The following METTL21A variants were observed in gnomAD, a reference collection of about 807,000 sequenced individuals.
METTL21A encodes methyltransferase 21A, HSPA lysine.
Under a neutral mutation model 20.9 loss-of-function variants are expected in METTL21A, and 22 were observed. The ratio of observed to expected loss-of-function variants is 1.05; its 90% CI spans 0.75 to 1.50. The LOEUF is 1.50. Ranked by LOEUF, METTL21A falls within the 40% of genes most tolerant of loss-of-function variation. The pLI is 0.00. For missense variants in METTL21A, 271 were observed against 266.8 expected (o/e 1.02, Z -0.11); for synonymous variants, 93 against 102.0 (o/e 0.91, Z 0.53).
chr2:207,597,283 T>C, intron 3 of METTL21A: 1 of 443,228 alleles, frequency 2.3e-6, no homozygotes, highest in South Asian at 4.4e-5. Context: ...ACGCCAGGAA[T>C]CATGAAGAGA....
In METTL21A at chr2:207,624,646, T is replaced by G. The variant is rs143745913; in HGVS notation, c.-29-242A>C. 7.5e-4 allele frequency: 235 copies of G among 312,810 alleles called. 1 individual carries two copies. Among genetic ancestry groups the G allele is most frequent in the Middle Eastern group, 6.7e-3 (7 of 1,048 alleles). The allele number at this position is 312,810 out of a possible 1,614,324, so 19.4% of individuals were successfully genotyped here. A position where few individuals can be genotyped will look rare whatever the true frequency, so the allele number is the denominator to read the frequency against. On this transcript the variant is annotated intron_variant, in intron 1 of 3. Transcript: ENST00000406927. Reference sequence around the variant, plus strand: ...AAAAAAAGCCCAGAACATTCCAACTTCCGCAGAATACCCTATACACTGCAC... The same window carrying G: ...AAAAAAAGCCCAGAACATTCCAACTGCCGCAGAATACCCTATACACTGCAC...
At chr2:207,620,008 G>A (rs1350667009) in intron 3 of METTL21A, among the ~76,000 whole-genome samples, 1 of 152,254 alleles carries the variant, frequency 6.6e-6, no homozygotes, top group Non-Finnish European at 1.5e-5. Flanking sequence ...CTAAGCCTAT[G>A]CACTTTGCTA....
At chr2:207,608,446 AT>A (rs2088462267), downstream of METTL21A, among the ~76,000 whole-genome samples, 1 of 151,800 alleles carries the variant, frequency 6.6e-6, no homozygotes, top group Non-Finnish European at 1.5e-5. Flanking sequence ...TGTGCTTCTA[AT>A]TTGTAGGGCA....
Position 207,582,720 on chromosome 2 carries a change from C to G in METTL21A, c.260-560G>C, listed in dbSNP as rs562650068. Among the ~76,000 whole-genome samples, 6 of 152,048 alleles carry G rather than the reference C, an allele frequency of 3.9e-5. No homozygotes were observed. The South Asian group carries it at 1.2e-3, about 32-fold the overall frequency. Reference sequence around the variant, plus strand: ...AAAATGGTGGCCAATATGGTGAAACCCTCTCTCTACTAAAAAGAGAAAATT... The same window carrying G: ...AAAATGGTGGCCAATATGGTGAAACGCTCTCTCTACTAAAAAGAGAAAATT... On this transcript the variant is annotated intron_variant, in intron 3 of 3. Transcript: ENST00000425132.
At chr2:207,608,715 AAGAG>A (rs1381671778), downstream of METTL21A, among the ~76,000 whole-genome samples, 1 of 152,190 alleles carries the variant, frequency 6.6e-6, no homozygotes, top group Non-Finnish European at 1.5e-5. Flanking sequence ...GTGGATCATG[AAGAG>A]ATCGAGACCA....
At chr2:207,598,226 T>C (rs1380145733) in intron 3 of METTL21A, 1 of 183,318 alleles carries the variant, frequency 5.5e-6, no homozygotes, top group Non-Finnish European at 1.2e-5. Flanking sequence ...AGGAAAGTTA[T>C]TTTCAGACAT....
At chr2:207,604,844 C>CT (rs2087817214), downstream of METTL21A, among the ~76,000 whole-genome samples, 1 of 152,200 alleles carries the variant, frequency 6.6e-6, no homozygotes, top group Non-Finnish European at 1.5e-5. Context: ...TGTATTACTT[C>CT]TTTCGTCTAG....
intron 3 of METTL21A, among the ~76,000 whole-genome samples, chr2:207,619,167 G>C (rs1014961490): frequency 9.1e-6 from 1 of 109,646 alleles, no homozygotes; most frequent in Non-Finnish European, 1.8e-5. Flanking sequence ...TATCTACATA[G>C]CACCGCTTTT....
chr2:207,600,313 G>A (rs1437607269), intron 3 of METTL21A: 1 of 178,094 alleles, frequency 5.6e-6, no homozygotes, highest in Admixed American at 6.4e-5. Context: ...CAGGAATGCT[G>A]AGTATTATAG....
At chr2:207,598,862 CT>C (rs1242185390) in intron 3 of METTL21A, 1 of 175,036 alleles carries the variant, frequency 5.7e-6, no homozygotes, top group Non-Finnish European at 1.2e-5. Context: ...AAAAAAATGT[CT>C]CATTTGGGAA....
At chr2:207,620,702 T>G (rs1484697898) in intron 3 of METTL21A, 6 of 1,533,142 alleles carry the variant, frequency 3.9e-6, no homozygotes, top group Non-Finnish European at 5.2e-6. Context: ...GTGCTGTGGT[T>G]GAAGACGGAC....
Position 207,625,049 on chromosome 2 carries a change from GC to G in METTL21A, c.-30+215del. ...GCCTCCCCGAACTCCCCCTATAGCT[GC>G]CCCCCACTCACCCCTCTCCCGGGAC... On this transcript the variant is annotated intron_variant, in intron 1 of 3. Coordinates refer to ENST00000406927, the Ensembl canonical transcript of METTL21A. The G allele has an allele frequency of 6.6e-6, 1 of 152,560 alleles. No homozygotes were observed. The highest frequency in any genetic ancestry group is 1.5e-5 in the Non-Finnish European group (1 of 68,280). The allele number at this position is 152,560 out of a possible 1,614,324, so 9.5% of individuals were successfully genotyped here.
downstream of METTL21A, chr2:207,580,745 A>T (rs1046663949): frequency 3.1e-5 from 7 of 224,656 alleles, no homozygotes; most frequent in African/African-American, 1.3e-4. Context: ...ACAACCACGA[A>T]TCTCAGTGTC....
chr2:207,588,039 G>C (rs1443963604), intron 3 of METTL21A, among the ~76,000 whole-genome samples: 1 of 152,068 alleles, frequency 6.6e-6, no homozygotes, highest in East Asian at 1.9e-4. Flanking sequence ...ACACATATTA[G>C]AATATTACTG....
intron 3 of METTL21A, among the ~76,000 whole-genome samples, chr2:207,595,942 C>G (rs1575033697): frequency 6.6e-6 from 1 of 152,260 alleles, no homozygotes; most frequent in Non-Finnish European, 1.5e-5. Context: ...TGCCTTTTCA[C>G]TATTTATTGT....
chr2:207,587,794 G>A (rs1307835553), intron 3 of METTL21A, among the ~76,000 whole-genome samples: 1 of 152,178 alleles, frequency 6.6e-6, no homozygotes, highest in Admixed American at 6.5e-5. Context: ...GCCTGGGAAG[G>A]GAAGGTGAGA....
At chr2:207,616,857 G>A (rs2089827802) in intron 3 of METTL21A, among the ~76,000 whole-genome samples, 1 of 152,170 alleles carries the variant, frequency 6.6e-6, no homozygotes, top group South Asian at 2.1e-4. Flanking sequence ...AGAAAAAATA[G>A]AGTGAAATCC....
At chr2:207,603,251 AT>A (rs2087419411) in intron 3 of METTL21A, 1 of 221,118 alleles carries the variant, frequency 4.5e-6, no homozygotes, top group Non-Finnish European at 9.1e-6. Flanking sequence ...TATGTACATA[AT>A]AGCTGCTTTG....
chr2:207,622,439 C>T (rs1020369873), intron 2 of METTL21A, among the ~76,000 whole-genome samples: 5 of 152,110 alleles, frequency 3.3e-5, no homozygotes, highest in Admixed American at 2.6e-4. Flanking sequence ...GGATTATAGG[C>T]GTGAGCTATC....
Sources: allele counts gnomAD v4.1 joint callset (sites outside exome capture counted in the v4.1 genomes callset), GRCh38; gene constraint gnomAD v4.1.1; transcripts MANE v1.5; gene names NCBI Gene and HGNC (gene_info 2026-07-23, HGNC 2026-07-21).